ZNF503: variants seen among roughly 807,000 people sequenced by gnomAD.
ZNF503 encodes the protein NocA-like zinc finger 2.
In ZNF503, 15 loss-of-function variants were observed where a neutral mutation model predicts 34.4. The observed-to-expected ratio is 0.44, with a 90% CI of 0.29 to 0.67. The LOEUF (loss-of-function observed/expected upper bound fraction) is 0.67, where lower values mean the gene tolerates loss of function less well. ZNF503 is among the 30% of genes least tolerant of loss of function. The probability of loss-of-function intolerance (pLI) is 0.13; values close to 1 mark genes in which losing one functional copy is unlikely to be tolerated. For synonymous variants in ZNF503, 580 were observed against 456.8 expected (o/e 1.27, Z -3.44); for missense variants, 1,007 against 926.8 (o/e 1.09, Z -1.12).
At chr10:75,360,938 G>A in the ZNF503 span, 1 of 152,384 alleles carries the variant, frequency 6.6e-6, no homozygotes, top group Admixed American at 6.5e-5. Context: ...TAGAGAGAGA[G>A]ACAGGCCCTT....
chr10:75,325,316 CAT>C, the ZNF503 span, among the ~76,000 whole-genome samples: 35,233 of 136,300 alleles, frequency 0.26, 4,223 homozygotes, highest in South Asian at 0.43. Context: ...TTGCCAATAC[CAT>C]ATATATATAT....
At chr10:75,307,557 C>A in the ZNF503 span, among the ~76,000 whole-genome samples, 1 of 152,220 alleles carries the variant, frequency 6.6e-6, no homozygotes, top group Non-Finnish European at 1.5e-5. Context: ...CAAGCTAAGA[C>A]AATTGGTGAA....
At chr10:75,374,551 G>T in the ZNF503 span, among the ~76,000 whole-genome samples, 1 of 152,062 alleles carries the variant, frequency 6.6e-6, no homozygotes, top group Admixed American at 6.5e-5. Context: ...TTACCCGAAG[G>T]TCAGAGAGGC....
At chr10:75,381,358 G>A in the ZNF503 span, among the ~76,000 whole-genome samples, 1 of 152,058 alleles carries the variant, frequency 6.6e-6, no homozygotes, top group Non-Finnish European at 1.5e-5. Flanking sequence ...CAGTAGCTGG[G>A]ACTACAGGCA....
the ZNF503 span, among the ~76,000 whole-genome samples, chr10:75,292,136 T>TG: frequency 1.3e-5 from 2 of 152,104 alleles, no homozygotes; most frequent in African/African-American, 2.4e-5. Flanking sequence ...GAGGGGACCA[T>TG]GGGGGAGGAG....
chr10:75,376,047 G>C, the ZNF503 span, among the ~76,000 whole-genome samples: 2 of 152,174 alleles, frequency 1.3e-5, no homozygotes, highest in African/African-American at 2.4e-5. Context: ...GCCATCTCTA[G>C]CCTCCAGAAT....
At chr10:75,344,493 G>A in the ZNF503 span, among the ~76,000 whole-genome samples, 2 of 152,152 alleles carry the variant, frequency 1.3e-5, no homozygotes, top group African/African-American at 2.4e-5. Flanking sequence ...ATTGGATGCC[G>A]CTGGTCCTGC....
chr10:75,399,123 C>T lies in ZNF503; in HGVS notation c.1567G>A (p.Gly523Arg). 6.2e-7 allele frequency: 1 copy of T among 1,613,640 alleles called. No individual in the cohort carries two copies. Among genetic ancestry groups the T allele is most frequent in the Non-Finnish European group, 8.5e-7 (1 of 1,179,776 alleles). ...GTGGCGAAGCGCTTGTCGCACGGCCCGTTGGCCGACACCCAGTTGCAGATG... is the reference window on the plus strand; with the variant it reads ...GTGGCGAAGCGCTTGTCGCACGGCCTGTTGGCCGACACCCAGTTGCAGATG... Reference protein sequence around the residue: ...PHICNWVSANGPCDKRFATSE... With the variant: ...PHICNWVSANRPCDKRFATSE... Residue 523 changes from glycine (G) to arginine (R), a missense_variant, in exon 2 of 2, where the codon GGG (glycine) becomes AGG (arginine). By Grantham distance (125) the Gly-to-Arg change is moderately radical. Transcript: ENST00000372524.
At chr10:75,364,461 G>C in the ZNF503 span, among the ~76,000 whole-genome samples, 3 of 152,130 alleles carry the variant, frequency 2.0e-5, no homozygotes, top group South Asian at 4.1e-4. Flanking sequence ...GCCTTGAGGT[G>C]GTCACTGTTC....
chr10:75,378,696 GATAA>G, the ZNF503 span, among the ~76,000 whole-genome samples: 9 of 152,082 alleles, frequency 5.9e-5, no homozygotes, highest in Non-Finnish European at 8.8e-5. Context: ...TCAGCCTCGT[GATAA>G]ATAAATACAT....
chr10:75,389,369 C>T, the ZNF503 span, among the ~76,000 whole-genome samples: 1 of 152,174 alleles, frequency 6.6e-6, no homozygotes, highest in Non-Finnish European at 1.5e-5. Context: ...CTCCCAGTGC[C>T]CTCTTGGACC....
chr10:75,368,018 G>A, the ZNF503 span, among the ~76,000 whole-genome samples: 3 of 152,194 alleles, frequency 2.0e-5, no homozygotes, highest in Non-Finnish European at 2.9e-5. Context: ...TAAACCTCGA[G>A]TTAGGGCATT....
chr10:75,373,218 T>G, the ZNF503 span, among the ~76,000 whole-genome samples: 1 of 152,214 alleles, frequency 6.6e-6, no homozygotes, highest in Admixed American at 6.5e-5. Flanking sequence ...AAGTTATGGC[T>G]CTATCTGTGT....
the ZNF503 span, among the ~76,000 whole-genome samples, chr10:75,293,154 G>T: frequency 1.3e-4 from 20 of 152,156 alleles, no homozygotes; most frequent in Non-Finnish European, 2.1e-4. Flanking sequence ...GTTGGAGAAG[G>T]GGGCTGTGTG....
chr10:75,377,489 G>A, the ZNF503 span, among the ~76,000 whole-genome samples: 1 of 152,278 alleles, frequency 6.6e-6, no homozygotes, highest in East Asian at 1.9e-4. Flanking sequence ...AATAAATCAT[G>A]GCAGTTGGTG....
At chr10:75,349,681 A>T in the ZNF503 span, among the ~76,000 whole-genome samples, 1 of 152,204 alleles carries the variant, frequency 6.6e-6, no homozygotes, top group Non-Finnish European at 1.5e-5. Context: ...AGTGGCAATC[A>T]CTACTGCCAG....
chr10:75,397,416 A>AGGCCCC (rs1289378931), downstream of ZNF503, among the ~76,000 whole-genome samples: 1 of 152,062 alleles, frequency 6.6e-6, no homozygotes, highest in East Asian at 1.9e-4. Flanking sequence ...CACGTCCCCG[A>AGGCCCC]GGCCCCGGCC....
rs1843720679 is a variant in ZNF503, at chr10:75,397,893, C to T, written c.*856G>A. 6.6e-6 allele frequency: 1 copy of T among 152,648 alleles called. No individual in the cohort carries two copies. The highest frequency in any genetic ancestry group is 2.1e-4 in the South Asian group (1 of 4,832). The allele number at this position is 152,648 out of a possible 1,614,324, so 9.5% of individuals were successfully genotyped here. ...TTTAATCTTTAAAGCGATACATTGT[C>T]TATTATTTTAGTACATGACGTAAAC... On this transcript the variant is annotated 3_prime_UTR_variant, in exon 2 of 2. Coordinates refer to ENST00000372524, the MANE Select transcript of ZNF503 (RefSeq NM_032772.6).
chr10:75,314,928 T>C, the ZNF503 span, among the ~76,000 whole-genome samples: 1 of 152,178 alleles, frequency 6.6e-6, no homozygotes, highest in South Asian at 2.1e-4. Context: ...AAGATGCATA[T>C]TAATAACATG....
Sources: gnomAD v4.1 joint callset for allele counts (sites outside exome capture counted in the v4.1 genomes callset) on GRCh38, gnomAD v4.1.1 for gene constraint, MANE v1.5 for transcripts, NCBI Gene and HGNC (gene_info 2026-07-23, HGNC 2026-07-21) for gene names.